Variants in IGSF9B observed in about 807,000 individuals in gnomAD.
IGSF9B encodes immunoglobulin superfamily member 9B.
A neutral mutation model predicts 143.7 loss-of-function variants in IGSF9B; 48 were observed. That is an observed-to-expected ratio of 0.33 (90% CI 0.26 to 0.42). The LOEUF is 0.42. IGSF9B is among the 20% of genes least tolerant of loss of function. The pLI is 1.00. For synonymous variants in IGSF9B, 903 were observed against 833.1 expected (o/e 1.08, Z -1.44); for missense variants, 1,706 against 1,980.0 (o/e 0.86, Z 2.63).
At chr11:133,924,769 C>T (rs749427484) in intron 15 of IGSF9B, 51 bp downstream of exon 15, 5 of 1,457,322 alleles carry the variant, frequency 3.4e-6, no homozygotes, top group Non-Finnish European at 4.8e-6. Flanking sequence ...CCCCATGCAG[C>T]TCTGGGGCTT....
rs117557516 is a variant in IGSF9B at position 133,910,254 on chromosome 11, G to A, written c.4106-977C>T. ...GTTCGTAACTGAAAGAGAGGATGCC[G>A]CTACGTGTCCTGCAGTTCGCCGTGG... On this transcript the variant is annotated intron_variant, in intron 19 of 19. Coordinates refer to ENST00000533871, the MANE Select transcript of IGSF9B (RefSeq NM_001277285.4). Among the ~76,000 whole-genome samples, 514 of 152,306 alleles carry A rather than the reference G, an allele frequency of 3.4e-3. 9 individuals are homozygous for A. The highest frequency in any genetic ancestry group is 0.024 in the Admixed American group (364 of 15,298).
In IGSF9B at chr11:133,948,085, G is replaced by GTGTGTGTC. The variant is rs1555098855; in HGVS notation, c.65-1828_65-1827insGACACACA. ...TGTGTGTGTGTGTGTGTGTGTGTGT[G>GTGTGTGTC]TGTGTCTGTGTGTGTTTCGGTTGGC... On this transcript the variant is annotated intron_variant, in intron 1 of 19. Transcript: ENST00000533871. The surrounding 1 kb of genome is among the most constrained non-coding windows in gnomAD (Gnocchi z 4.7). Among the ~76,000 whole-genome samples the GTGTGTGTC allele has an allele frequency of 3.3e-5, 5 of 149,738 alleles. No homozygotes were observed. The highest frequency in any genetic ancestry group is 2.0e-4 in the East Asian group (1 of 4,944).
rs530487208 is a variant in IGSF9B at position 133,902,185 on chromosome 11, A to C, written c.*6884T>G. ...ACACACACCAAACACACACACACCA[A>C]ACACACCAGACACACCACAAGCATA... On this transcript the variant is annotated 3_prime_UTR_variant, in exon 20 of 20. Coordinates refer to ENST00000533871, the MANE Select transcript of IGSF9B (RefSeq NM_001277285.4). Among the ~76,000 whole-genome samples, 141 of 142,356 alleles carry C rather than the reference A, an allele frequency of 9.9e-4. No homozygotes were observed. Among genetic ancestry groups the C allele is most frequent in the African/African-American group, 3.8e-3 (140 of 37,126 alleles). 93.4% of individuals were successfully genotyped at this position (142,356 alleles called of 152,430 possible).
chr11:133,939,115 G>A (rs909866741), intron 3 of IGSF9B, among the ~76,000 whole-genome samples: 6 of 152,108 alleles, frequency 3.9e-5, no homozygotes, highest in African/African-American at 1.4e-4. Context: ...CCCTCCCAGC[G>A]CACTCCAACC....
At chr11:133,934,460 G>A (rs755497040) in intron 7 of IGSF9B, among the ~76,000 whole-genome samples, 6 of 152,212 alleles carry the variant, frequency 3.9e-5, no homozygotes, top group East Asian at 1.9e-4. Flanking sequence ...GCTTTTTCCC[G>A]CTGCAGGTCT....
Position 133,909,236 on chromosome 11 carries a change from C to T in IGSF9B, c.4147G>A (p.Val1383Ile). ...CAGACAGCTTCATCGGGCCACAGAA[C>T]CTGAGAGTTGGGAAGCTGCTGAGTC... Reference protein sequence around the residue: ...SQTQQLPNSQVLWPDEAVCLR... With the variant: ...SQTQQLPNSQILWPDEAVCLR... The change falls in exon 20 of 20, where the codon GTT becomes ATT. Residue 1383 changes from valine to isoleucine, a missense_variant. Coordinates refer to ENST00000533871, the MANE Select transcript of IGSF9B (RefSeq NM_001277285.4). This position sits in a 1 kb window ranked among gnomAD's most constrained non-coding sequence, Gnocchi z 4.2. 6.5e-7 allele frequency: 1 copy of T among 1,535,852 alleles called. No homozygotes were observed. The highest frequency in any genetic ancestry group is 8.7e-7 in the Non-Finnish European group (1 of 1,146,726).
intron 15 of IGSF9B, among the ~76,000 whole-genome samples, chr11:133,924,509 T>C (rs1454923664): frequency 2.0e-5 from 3 of 152,168 alleles, no homozygotes; most frequent in Admixed American, 2.0e-4. Flanking sequence ...AAACTGAAAA[T>C]GTACAGCAAA....
rs1473704588 is a variant in IGSF9B at position 133,902,362 on chromosome 11, A to C, written c.*6707T>G. On this transcript the variant is annotated 3_prime_UTR_variant, in exon 20 of 20. Transcript: ENST00000533871. ...ACCCCACACACATACACAACCACAC[A>C]ATAGACACACCACACACAACACACC... Among the ~76,000 whole-genome samples, 1 of 144,424 alleles carries C rather than the reference A, an allele frequency of 6.9e-6. No individual in the cohort carries two copies. The highest frequency in any genetic ancestry group is 1.5e-5 in the Non-Finnish European group (1 of 65,858). The allele number at this position is 144,424 out of a possible 152,430, so 94.7% of individuals were successfully genotyped here. A position where few individuals can be genotyped will look rare whatever the true frequency, so the allele number is the denominator to read the frequency against.
rs752118754 is a variant in IGSF9B at position 133,920,400 on chromosome 11, C to T, written c.3325G>A (p.Gly1109Ser). ...GGGGGCGCTGGGACAGGGCCCCTGC[C>T]GGGCGACTTGCCTGCCCAACCCTTC... ...APKGWAGKSPGRGPVPAPPAA... is the reference protein window; with the variant it reads ...APKGWAGKSPSRGPVPAPPAA... Residue 1109 changes from glycine to serine, a missense_variant, in exon 18 of 20, where the codon GGC becomes AGC. Gly to Ser is a moderately conservative substitution (Grantham distance 56). This residue lies in a region of IGSF9B where 880 missense variants were observed against 762.9 expected (regional missense o/e 1.15). Transcript: ENST00000533871. The T allele has an allele frequency of 1.3e-6, 2 of 1,596,160 alleles. No homozygotes were observed. The highest frequency in any genetic ancestry group is 1.7e-6 in the Non-Finnish European group (2 of 1,172,606).
chr11:133,902,386 C>A lies in IGSF9B; in HGVS notation c.*6683G>T, dbSNP rs908446883. Among the ~76,000 whole-genome samples, 4 of 146,300 alleles carry A rather than the reference C, an allele frequency of 2.7e-5. No individual in the cohort carries two copies. Among genetic ancestry groups the A allele is most frequent in the Non-Finnish European group, 4.5e-5 (3 of 66,346 alleles). The stretch of plus-strand genomic sequence containing the variant: ...CAATAGACACACCACACACAACACA[C>A]CACACAATACGCACAACACATACCA... On this transcript the variant is annotated 3_prime_UTR_variant, in exon 20 of 20. Transcript: ENST00000533871.
chr11:133,937,667 G>A, intron 4 of IGSF9B, 143 bp downstream of exon 4: 1 of 1,142,066 alleles, frequency 8.8e-7, no homozygotes, highest in Non-Finnish European at 1.2e-6. Context: ...GCGACACAGA[G>A]ACGCCTGCAG....
In IGSF9B at chr11:133,925,847, A is replaced by T. The variant is rs1261383854; in HGVS notation, c.1926T>A (p.Phe642Leu). 3.1e-6 allele frequency: 5 copies of T among 1,613,742 alleles called. No individual in the cohort carries two copies. The African/African-American group carries it at 6.7e-5, about 22-fold the overall frequency. Residue 642 changes from phenylalanine to leucine, a missense_variant, in exon 14 of 20, where the codon TTT becomes TTA. Around this residue, in one of 7 missense-constraint regions of IGSF9B, gnomAD observed 267 missense variants for 321.1 expected, o/e 0.83. Transcript: ENST00000533871. ...ACTCCATGATGTAGCGGTCGATGGG[A>T]AAGCTGTGGTTGGCAGGCGGAAGCC... The part of the protein sequence containing the change: ...LSWLPPANHS[F>L]PIDRYIMEFR...
chr11:133,956,665 G>C (rs1940262239), intron 1 of IGSF9B, 26 bp downstream of exon 1: 2 of 1,507,008 alleles, frequency 1.3e-6, no homozygotes, highest in African/African-American at 1.4e-5. Flanking sequence ...GGAGGGGCAG[G>C]GGAGGGACGC....
At chr11:133,941,178 T>C (rs1051880181) in intron 3 of IGSF9B, among the ~76,000 whole-genome samples, 2 of 152,258 alleles carry the variant, frequency 1.3e-5, no homozygotes, top group Admixed American at 6.5e-5. Flanking sequence ...CGGAACTAGA[T>C]GTCAGCTTGC....
intron 18 of IGSF9B, chr11:133,919,128 G>GGA: frequency 3.0e-6 from 1 of 335,536 alleles, no homozygotes. Context: ...CGGGGGGGGG[G>GGA]TGGGGGACGT....
At position 133,948,617 on chromosome 11, in the gene IGSF9B, C is replaced by CTGTGTGTGTGTG. The variant is rs59414581; in HGVS notation, c.65-2371_65-2360dup. On this transcript the variant is annotated intron_variant, in intron 1 of 19. Coordinates refer to ENST00000533871, the MANE Select transcript of IGSF9B (RefSeq NM_001277285.4). This position sits in a 1 kb window ranked among gnomAD's most constrained non-coding sequence, Gnocchi z 4.7. The stretch of plus-strand genomic sequence containing the variant: ...TGGGTGCCATGAGTTTGCAGAGAAG[C>CTGTGTGTGTGTG]TGTGTGTGTGTGTGTGTGTGTGTGT... Among the ~76,000 whole-genome samples, 3 of 141,000 alleles carry CTGTGTGTGTGTG rather than the reference C, an allele frequency of 2.1e-5. No homozygotes were observed. The highest frequency in any genetic ancestry group is 5.3e-5 in the African/African-American group (2 of 37,412). The allele number at this position is 141,000 out of a possible 152,430, so 92.5% of individuals were successfully genotyped here.
Position 133,906,831 on chromosome 11 carries a change from C to T in IGSF9B, c.*2238G>A, listed in dbSNP as rs1939217583. 6.6e-6 allele frequency among the ~76,000 whole-genome samples: 1 copy of T among 152,172 alleles called. No individual in the cohort carries two copies. The highest frequency in any genetic ancestry group is 2.1e-4 in the South Asian group (1 of 4,826). On this transcript the variant is annotated 3_prime_UTR_variant, in exon 20 of 20. Coordinates refer to ENST00000533871, the MANE Select transcript of IGSF9B (RefSeq NM_001277285.4). ...GAGCTCCTCTGGGGTAGAAATCTCA[C>T]ACTGCCAGTGCATAAAGGCTGCACG...
In IGSF9B at chr11:133,942,264, C is replaced by G. The variant is rs146426614; in HGVS notation, c.409+1956G>C. Among the ~76,000 whole-genome samples, 940 of 152,306 alleles carry G rather than the reference C, an allele frequency of 6.2e-3. 13 individuals carry two copies. Among genetic ancestry groups the G allele is most frequent in the African/African-American group, 0.022 (920 of 41,558 alleles). ...GCATTTCACCTAGTCCTCACAGCAG[C>G]CCTGCAAATCATAGTCCCTGCTTTT... On this transcript the variant is annotated intron_variant, in intron 3 of 19. Coordinates refer to ENST00000533871, the MANE Select transcript of IGSF9B (RefSeq NM_001277285.4).
chr11:133,947,482 C>T (rs1392958521), intron 1 of IGSF9B, among the ~76,000 whole-genome samples: 2 of 152,228 alleles, frequency 1.3e-5, no homozygotes, highest in Admixed American at 6.5e-5. Context: ...AGTACCGAAG[C>T]GGCAGCTTAA....
Sources: gnomAD v4.1 joint callset for allele counts (sites outside exome capture counted in the v4.1 genomes callset) on GRCh38, gnomAD v4.1.1 for gene constraint, gnomAD v4.1.1 regional missense constraint, Gnocchi (gnomAD v3.1) non-coding constraint, MANE v1.5 for transcripts, NCBI Gene and HGNC (gene_info 2026-07-23, HGNC 2026-07-21) for gene names.